The following MAP2K1 variants were observed in gnomAD, a reference collection of about 807,000 sequenced individuals.
The protein encoded by MAP2K1 is mitogen-activated protein kinase kinase 1, also known as dual specificity mitogen-activated protein kinase kinase 1.
Under a neutral mutation model 46.3 loss-of-function variants are expected in MAP2K1, and 16 were observed. The ratio of observed to expected loss-of-function variants is 0.35; its 90% CI spans 0.23 to 0.52. The LOEUF is 0.52. MAP2K1 is among the 20% of genes least tolerant of loss of function. The probability of loss-of-function intolerance (pLI) is 0.94; values close to 1 mark genes in which losing one functional copy is unlikely to be tolerated. For missense variants in MAP2K1, 263 were observed against 497.1 expected (o/e 0.53, Z 4.48); for synonymous variants, 183 against 185.6 (o/e 0.99, Z 0.11).
chr15:66,461,448 G>T (rs1271316737), intron 5 of MAP2K1, among the ~76,000 whole-genome samples: 4 of 151,068 alleles, frequency 2.6e-5, no homozygotes, highest in Admixed American at 6.6e-5. Context: ...CTGCACTCCA[G>T]CCTGAGTGAC....
At position 66,435,022 on chromosome 15, in the gene MAP2K1, A is replaced by G. The variant is rs2093483968; in HGVS notation, c.81-5A>G. 1 of 1,606,920 alleles carries G rather than the reference A, an allele frequency of 6.2e-7. No individual in the cohort carries two copies. The highest frequency in any genetic ancestry group is 8.5e-7 in the Non-Finnish European group (1 of 1,173,670). ...TATTGACTTGTGCTCCCCACTTTGG[A>G]ACAGGACCAACTTGGAGGCCTTGCA... On this transcript the variant is annotated splice_polypyrimidine_tract_variant and splice_region_variant and intron_variant, in intron 1 of 10. Transcript: ENST00000307102.
chr15:66,392,204 G>A (rs2140516895), intron 1 of MAP2K1, among the ~76,000 whole-genome samples: 1 of 145,902 alleles, frequency 6.9e-6, no homozygotes, highest in South Asian at 2.2e-4. Flanking sequence ...AAGGAGGGCA[G>A]TGACCTTTTT....
intron 1 of MAP2K1, among the ~76,000 whole-genome samples, chr15:66,404,324 C>T (rs545197312): frequency 4.6e-5 from 7 of 152,066 alleles, no homozygotes; most frequent in Non-Finnish European, 1.0e-4. Context: ...TGCACTCCAG[C>T]CTGGGTAACA....
Position 66,455,685 on chromosome 15 carries a change from G to A in MAP2K1, c.568+10978G>A, listed in dbSNP as rs533269673. Reference sequence around the variant, plus strand: ...ATGGTAGTTTTCCTACATTTCTAATGTGTCTGCACCAGGTGGGAACCCAAA... The same window carrying A: ...ATGGTAGTTTTCCTACATTTCTAATATGTCTGCACCAGGTGGGAACCCAAA... On this transcript the variant is annotated intron_variant, in intron 5 of 10. Coordinates refer to ENST00000307102, the MANE Select transcript of MAP2K1 (RefSeq NM_002755.4). 4.9e-4 allele frequency among the ~76,000 whole-genome samples: 74 copies of A among 152,262 alleles called. No individual in the cohort carries two copies. In the Middle Eastern group the frequency reaches 0.014, roughly 28 times the overall value.
chr15:66,443,847 G>A (rs779887449), intron 4 of MAP2K1, among the ~76,000 whole-genome samples: 3 of 152,168 alleles, frequency 2.0e-5, no homozygotes, highest in Admixed American at 6.5e-5. Context: ...TAGTCTGGGC[G>A]ACAGAGTGAG....
chr15:66,476,115 T>C (rs1892749821), intron 5 of MAP2K1, among the ~76,000 whole-genome samples: 1 of 152,212 alleles, frequency 6.6e-6, no homozygotes, highest in African/African-American at 2.4e-5. Flanking sequence ...CCCATACTCA[T>C]TGTCACAGAA....
intron 5 of MAP2K1, among the ~76,000 whole-genome samples, chr15:66,463,775 C>T (rs1008482689): frequency 7.2e-5 from 11 of 152,178 alleles, no homozygotes; most frequent in Non-Finnish European, 1.6e-4. Context: ...TGAGCCACCA[C>T]GCCTGGCCAG....
chr15:66,463,349 G>A (rs561971685), intron 5 of MAP2K1, among the ~76,000 whole-genome samples: 71 of 152,340 alleles, frequency 4.7e-4, no homozygotes, highest in African/African-American at 1.7e-3. Context: ...CACTGAGGGG[G>A]TGTGAACCCC....
intron 5 of MAP2K1, among the ~76,000 whole-genome samples, chr15:66,445,959 C>T (rs924534679): frequency 2.6e-5 from 4 of 151,918 alleles, no homozygotes; most frequent in Admixed American, 6.6e-5. Flanking sequence ...CACGGTGGCT[C>T]ATGCCTGTAA....
Position 66,387,087 on chromosome 15 carries a change from C to T in MAP2K1, c.-261C>T, listed in dbSNP as rs1476631816. The T allele has an allele frequency of 1.4e-5, 6 of 414,612 alleles. No individual in the cohort carries two copies. The highest frequency in any genetic ancestry group is 2.1e-5 in the Non-Finnish European group (5 of 236,038). 25.7% of individuals were successfully genotyped at this position (414,612 alleles called of 1,614,324 possible). ...ATCCCGGGCTGCCGAACCGCACGTT[C>T]AGCCCGCTCCGCTCCTGCAGGGCAG... On this transcript the variant is annotated 5_prime_UTR_variant, in exon 1 of 11. Coordinates refer to ENST00000307102, the MANE Select transcript of MAP2K1 (RefSeq NM_002755.4).
intron 6 of MAP2K1, among the ~76,000 whole-genome samples, chr15:66,482,585 A>G (rs1167146245): frequency 6.6e-6 from 1 of 152,104 alleles, no homozygotes; most frequent in Non-Finnish European, 1.5e-5. Flanking sequence ...CCATCCTCAC[A>G]CTATGGCAGC....
chr15:66,394,180 A>G (rs539023328), intron 1 of MAP2K1, among the ~76,000 whole-genome samples: 1 of 152,204 alleles, frequency 6.6e-6, no homozygotes, highest in African/African-American at 2.4e-5. Context: ...TTTGAAGGCT[A>G]TAAGGTGCCG....
rs181083225 is a variant in MAP2K1 at position 66,455,869 on chromosome 15, T to G, written c.568+11162T>G. Among the ~76,000 whole-genome samples, 6 of 152,340 alleles carry G rather than the reference T, an allele frequency of 3.9e-5. No homozygotes were observed. The East Asian group carries it at 1.2e-3, about 29-fold the overall frequency. On this transcript the variant is annotated intron_variant, in intron 5 of 10. Coordinates refer to ENST00000307102, the MANE Select transcript of MAP2K1 (RefSeq NM_002755.4). ...TTTGTTCTGTTATTATACAGAACAT[T>G]GTATTCTATTTCCCCTGGGTGTTCA...
intron 5 of MAP2K1, among the ~76,000 whole-genome samples, chr15:66,479,577 G>A (rs1892864382): frequency 6.6e-6 from 1 of 152,194 alleles, no homozygotes; most frequent in Non-Finnish European, 1.5e-5. Context: ...CACACTGTGG[G>A]GTAGGGGAGT....
chr15:66,420,693 T>G (rs2093435815), intron 1 of MAP2K1, among the ~76,000 whole-genome samples: 1 of 86,118 alleles, frequency 1.2e-5, no homozygotes, highest in Admixed American at 1.2e-4. Flanking sequence ...ATTCCCCTAA[T>G]ACTTACTCTT....
chr15:66,419,113 T>C (rs2093431453), intron 1 of MAP2K1, among the ~76,000 whole-genome samples: 1 of 151,500 alleles, frequency 6.6e-6, no homozygotes, highest in South Asian at 2.1e-4. Flanking sequence ...ATTACAGGCG[T>C]GCACCACCAT....
chr15:66,414,561 G>A (rs2093420081), intron 1 of MAP2K1, among the ~76,000 whole-genome samples: 1 of 152,194 alleles, frequency 6.6e-6, no homozygotes. Context: ...AATATGCACA[G>A]AGTATTATTA....
chr15:66,444,236 C>T (rs1173258851), intron 4 of MAP2K1, among the ~76,000 whole-genome samples: 2 of 138,788 alleles, frequency 1.4e-5, no homozygotes, highest in Non-Finnish European at 3.1e-5. Context: ...AAAACTCTGT[C>T]TCAGAAAAAA....
chr15:66,487,967 G>C (rs1168176885), intron 8 of MAP2K1, among the ~76,000 whole-genome samples: 1 of 152,060 alleles, frequency 6.6e-6, no homozygotes, highest in African/African-American at 2.4e-5. Context: ...TGCTGAGGTA[G>C]GCCAAATTGG....
Sources: allele counts gnomAD v4.1 joint callset (sites outside exome capture counted in the v4.1 genomes callset), GRCh38; gene constraint gnomAD v4.1.1; transcripts MANE v1.5; gene names NCBI Gene and HGNC (gene_info 2026-07-23, HGNC 2026-07-21).